Variants in COLEC12 observed in about 807,000 individuals in gnomAD.
The protein encoded by COLEC12 is collectin-12.
COLEC12 carries 33 observed loss-of-function variants against 71.1 expected under a neutral mutation model. That is an observed-to-expected ratio of 0.46 (90% CI 0.35 to 0.62). COLEC12 has a LOEUF of 0.62. COLEC12 is among the 20% of genes least tolerant of loss of function. The pLI is 0.00. For missense variants in COLEC12, 765 were observed against 916.1 expected, an observed-to-expected ratio of 0.84 and a Z score of 2.13; for synonymous variants, 350 against 353.0, an observed-to-expected ratio of 0.99 and a Z score of 0.10.
chr18:442,798 A>T (rs1232381048), intron 2 of COLEC12, among the ~76,000 whole-genome samples: 2 of 152,224 alleles, frequency 1.3e-5, no homozygotes, highest in East Asian at 3.9e-4. Context: ...TGTCTCTATT[A>T]AAAACACAAA....
At chr18:337,893 G>T (rs1220078046) in intron 5 of COLEC12, among the ~76,000 whole-genome samples, 1 of 152,160 alleles carries the variant, frequency 6.6e-6, no homozygotes, top group Non-Finnish European at 1.5e-5. Flanking sequence ...ACCCTAGTGT[G>T]GGCTCTCTTC....
In COLEC12 at chr18:340,081, A is replaced by AAAAAAAC. The variant is rs1187413407; in HGVS notation, c.1328-4852_1328-4851insGTTTTTT. Among the ~76,000 whole-genome samples, 6 of 151,372 alleles carry AAAAAAAC rather than the reference A, an allele frequency of 4.0e-5. 1 individual carries two copies. Among genetic ancestry groups the AAAAAAAC allele is most frequent in the Admixed American group, 4.0e-4 (6 of 15,174 alleles). ...ACCCTTAGTGCCTGAAAGCAAAAAA[A>AAAAAAAC]AAAAAAAAAACAAAAAGAACAGAGT... On this transcript the variant is annotated intron_variant, in intron 5 of 9. Transcript: ENST00000400256.
intron 8 of COLEC12, among the ~76,000 whole-genome samples, chr18:329,589 G>A (rs566718111): frequency 8.3e-4 from 126 of 152,274 alleles, no homozygotes; most frequent in Non-Finnish European, 1.7e-3. Flanking sequence ...ATCAGGCAAA[G>A]TCTCAAGTGC....
At chr18:450,474 A>G (rs1345956555) in intron 2 of COLEC12, among the ~76,000 whole-genome samples, 2 of 152,164 alleles carry the variant, frequency 1.3e-5, no homozygotes, top group African/African-American at 4.8e-5. Flanking sequence ...TGCTCTGGCC[A>G]TTAAGATGTG....
At chr18:393,008 A>G (rs1378600862) in intron 2 of COLEC12, among the ~76,000 whole-genome samples, 1 of 152,260 alleles carries the variant, frequency 6.6e-6, no homozygotes, top group South Asian at 2.1e-4. Context: ...AATAATATTC[A>G]TGGATGATTG....
rs142140255 is a variant in COLEC12, at chr18:417,791, G to A, written c.59-60269C>T. The stretch of plus-strand genomic sequence containing the variant: ...GATTTCACATGCATCAGGAGAAATC[G>A]TAACAGTATTAGTTCTCCCTGGAGA... On this transcript the variant is annotated intron_variant, in intron 2 of 9. Coordinates refer to ENST00000400256, the MANE Select transcript of COLEC12 (RefSeq NM_130386.3). 1.2e-4 allele frequency among the ~76,000 whole-genome samples: 19 copies of A among 152,336 alleles called. 2 individuals are homozygous for A. The East Asian group carries it at 1.3e-3, about 11-fold the overall frequency.
At chr18:394,806 C>T (rs1390869182) in intron 2 of COLEC12, among the ~76,000 whole-genome samples, 2 of 152,212 alleles carry the variant, frequency 1.3e-5, no homozygotes, top group African/African-American at 4.8e-5. Context: ...CTTCCCATGA[C>T]ACCATGCCAG....
chr18:468,721 C>T (rs1917136167), intron 2 of COLEC12, among the ~76,000 whole-genome samples: 2 of 152,244 alleles, frequency 1.3e-5, no homozygotes, highest in African/African-American at 4.8e-5. Flanking sequence ...TTAGTTCATC[C>T]TCACAATGTC....
chr18:334,986 C>T lies in COLEC12; in HGVS notation c.1572G>A (p.Gly524=), dbSNP rs1893131214. The change falls in exon 6 of 10, where the codon GGG becomes GGA. Residue 524 remains glycine, a synonymous_variant. Coordinates refer to ENST00000400256, the MANE Select transcript of COLEC12 (RefSeq NM_130386.3). ...CTGGTGGGCCCGGGGGGCCTGGGTC[C>T]CCACTGGAGCCCTGAGGGCCGGGCT... ...PGKPGPQGSS[G]DPGPPGPPGK... is the part of the protein sequence containing the mutation. 6.4e-7 allele frequency: 1 copy of T among 1,561,582 alleles called. No homozygotes were observed. The highest frequency in any genetic ancestry group is 8.6e-7 in the Non-Finnish European group (1 of 1,158,262).
At chr18:372,018 G>A (rs755223474) in intron 2 of COLEC12, among the ~76,000 whole-genome samples, 39 of 152,176 alleles carry the variant, frequency 2.6e-4, no homozygotes, top group Non-Finnish European at 5.0e-4. Flanking sequence ...TTGGTCTGCA[G>A]AGTGGAGCTG....
intron 1 of COLEC12, among the ~76,000 whole-genome samples, chr18:498,693 A>G (rs1032490217): frequency 1.3e-5 from 2 of 152,094 alleles, no homozygotes; most frequent in African/African-American, 2.4e-5. Flanking sequence ...GAGGGCTTCA[A>G]AATGATTAGT....
chr18:318,545 T>G lies in COLEC12; in HGVS notation c.*1500A>C, dbSNP rs1321476071. The G allele has an allele frequency of 1.5e-5, 2 of 130,162 alleles. No homozygotes were observed. The highest frequency in any genetic ancestry group is 6.0e-5 in the African/African-American group (2 of 33,326). The allele number at this position is 130,162 out of a possible 1,614,324, so 8.1% of individuals were successfully genotyped here. On this transcript the variant is annotated 3_prime_UTR_variant, in exon 10 of 10. Transcript: ENST00000400256. ...TCTTGCTCTGTCACCGAGGCTGGAG[T>G]GCAGTGGTGCGATCTTGGCTCACTG... is the stretch of plus-strand genomic sequence containing the variant.
At chr18:400,640 A>T (rs571035420) in intron 2 of COLEC12, among the ~76,000 whole-genome samples, 1 of 152,336 alleles carries the variant, frequency 6.6e-6, no homozygotes, top group East Asian at 1.9e-4. Context: ...AAAAACTGGC[A>T]GCCTGTGGTT....
At chr18:487,830 A>C (rs1917548328) in intron 1 of COLEC12, among the ~76,000 whole-genome samples, 1 of 152,256 alleles carries the variant, frequency 6.6e-6, no homozygotes. Context: ...AGGTAAACTT[A>C]GAGTGATGGT....
At chr18:397,368 C>A (rs1033374302) in intron 2 of COLEC12, among the ~76,000 whole-genome samples, 1 of 152,196 alleles carries the variant, frequency 6.6e-6, no homozygotes, top group Non-Finnish European at 1.5e-5. Context: ...AAATTATCTA[C>A]ACAGGCCATT....
In COLEC12 at chr18:355,261, G is replaced by C. The variant is rs1227759373; in HGVS notation, c.181+2139C>G. Among the ~76,000 whole-genome samples the C allele has an allele frequency of 1.3e-5, 2 of 152,138 alleles. 1 individual carries two copies. The highest frequency in any genetic ancestry group is 3.9e-4 in the East Asian group (2 of 5,188). On this transcript the variant is annotated intron_variant, in intron 3 of 9. Coordinates refer to ENST00000400256, the MANE Select transcript of COLEC12 (RefSeq NM_130386.3). Reference sequence around the variant, plus strand: ...TGACTCTAATGACACAGTGTGACAGGGGCTAAGAGTAAATGCTGGGTGCTA... The same window carrying C: ...TGACTCTAATGACACAGTGTGACAGCGGCTAAGAGTAAATGCTGGGTGCTA...
At chr18:391,503 T>TTTG (rs369399512) in intron 2 of COLEC12, among the ~76,000 whole-genome samples, 1 of 152,186 alleles carries the variant, frequency 6.6e-6, no homozygotes, top group East Asian at 1.9e-4. Flanking sequence ...ATTGGGGGTT[T>TTTG]TTGTTGTTGT....
intron 2 of COLEC12, among the ~76,000 whole-genome samples, chr18:469,846 T>A (rs1917158637): frequency 6.7e-6 from 1 of 149,576 alleles, no homozygotes; most frequent in Non-Finnish European, 1.5e-5. Context: ...ATGGACATCT[T>A]TAGGAGAAAA....
At chr18:321,883 T>G (rs1913714813) in intron 8 of COLEC12, 76 bp from the exon 9 acceptor site, 1 of 1,433,866 alleles carries the variant, frequency 7.0e-7, no homozygotes, top group East Asian at 2.3e-5. Context: ...CAGCAGAGAA[T>G]ATAAAAAAAC....
Sources: gnomAD v4.1 joint callset for allele counts (sites outside exome capture counted in the v4.1 genomes callset) on GRCh38, gnomAD v4.1.1 for gene constraint, MANE v1.5 for transcripts, NCBI Gene and HGNC (gene_info 2026-07-23, HGNC 2026-07-21) for gene names.